The following SRGAP2 variants were observed in gnomAD, a reference collection of about 807,000 sequenced individuals.
SRGAP2 encodes SLIT-ROBO Rho GTPase activating protein 2.
SRGAP2 carries 15 observed loss-of-function variants against 57.2 expected under a neutral mutation model. The ratio of observed to expected loss-of-function variants is 0.26; its 90% CI spans 0.18 to 0.40. The LOEUF (loss-of-function observed/expected upper bound fraction) is 0.40, where lower values mean the gene tolerates loss of function less well. Among genes scored for constraint, SRGAP2 ranks in the 10% least tolerant of loss-of-function variants. The pLI is 1.00. For missense variants in SRGAP2, 520 were observed against 669.6 expected, an observed-to-expected ratio of 0.78 and a Z score of 2.47; for synonymous variants, 249 against 248.0, an observed-to-expected ratio of 1.00 and a Z score of -0.04.
intron 19 of SRGAP2, 50 bp downstream of exon 19, chr1:206,450,515 A>G: frequency 2.6e-6 from 2 of 774,278 alleles, no homozygotes; most frequent in Non-Finnish European, 2.4e-6. Flanking sequence ...GTGAGGCAGA[A>G]GGAAGTGATT....
At chr1:206,296,107 C>T (rs1270752227) in intron 2 of SRGAP2, among the ~76,000 whole-genome samples, 2 of 148,386 alleles carry the variant, frequency 1.3e-5, no homozygotes, top group African/African-American at 5.0e-5. Context: ...ATAGGGCTGG[C>T]TTCTCATCGT....
At chr1:206,381,061 GC>G (rs1287843279) in intron 4 of SRGAP2, among the ~76,000 whole-genome samples, 18 of 152,330 alleles carry the variant, frequency 1.2e-4, no homozygotes, top group African/African-American at 4.3e-4. Flanking sequence ...CCAACCCTCA[GC>G]CAGAGGGAGC....
intron 16 of SRGAP2, 91 bp downstream of exon 16, chr1:206,438,189 A>T: frequency 1.5e-6 from 1 of 669,666 alleles, no homozygotes; most frequent in Non-Finnish European, 2.8e-6. Flanking sequence ...GTGTTCTCAT[A>T]AGCTTTTCAA....
At chr1:206,388,738 T>G (rs1446859210) in intron 5 of SRGAP2, among the ~76,000 whole-genome samples, 1 of 146,250 alleles carries the variant, frequency 6.8e-6, no homozygotes, top group Non-Finnish European at 1.5e-5. Context: ...GTCTTGGTCT[T>G]TCATATTAGA....
intron 4 of SRGAP2, among the ~76,000 whole-genome samples, chr1:206,376,146 A>T (rs567573327): frequency 1.0e-3 from 154 of 151,256 alleles, no homozygotes; most frequent in African/African-American, 3.5e-3. Context: ...AGGTAATTGT[A>T]TCCTCCTTAT....
intron 2 of SRGAP2, among the ~76,000 whole-genome samples, chr1:206,213,522 G>A (rs550106818): frequency 0.054 from 8,144 of 150,790 alleles, 593 homozygotes; most frequent in African/African-American, 0.17. Context: ...TGTCTCAGCC[G>A]TTACTCTGCT....
intron 7 of SRGAP2, among the ~76,000 whole-genome samples, chr1:206,399,136 T>C (rs1230535902): frequency 2.6e-5 from 4 of 152,202 alleles, no homozygotes; most frequent in Non-Finnish European, 5.9e-5. Context: ...TACTCTACCC[T>C]AAACAGAGAG....
At chr1:206,287,609 C>T (rs1300543041) in intron 2 of SRGAP2, among the ~76,000 whole-genome samples, 11 of 45,630 alleles carry the variant, frequency 2.4e-4, no homozygotes. Flanking sequence ...TCATTACCAC[C>T]CACCACAAGA....
chr1:206,452,973 G>C (rs927256371), intron 19 of SRGAP2, among the ~76,000 whole-genome samples: 6 of 151,902 alleles, frequency 3.9e-5, no homozygotes, highest in Non-Finnish European at 8.8e-5. Context: ...AAGATTCCTG[G>C]TGGAGGGAAC....
At chr1:206,221,946 CTTTTTTTTTT>C (rs782815485) in intron 2 of SRGAP2, among the ~76,000 whole-genome samples, 3 of 35,270 alleles carry the variant, frequency 8.5e-5, no homozygotes, top group African/African-American at 1.9e-4. Flanking sequence ...GATATCCGGC[CTTTTTTTTTT>C]TTTTTTTTTT....
intron 10 of SRGAP2, among the ~76,000 whole-genome samples, chr1:206,411,813 C>T (rs1327600725): frequency 1.3e-5 from 2 of 152,022 alleles, no homozygotes; most frequent in Non-Finnish European, 2.9e-5. Context: ...TTTTTAAGGC[C>T]CAAAACCTTC....
intron 4 of SRGAP2, among the ~76,000 whole-genome samples, chr1:206,344,366 T>C (rs1675460247): frequency 6.6e-6 from 1 of 151,636 alleles, no homozygotes; most frequent in Admixed American, 6.6e-5. Context: ...ACACCTCATT[T>C]TGGAGTGAGG....
intron 14 of SRGAP2, among the ~76,000 whole-genome samples, chr1:206,434,606 CA>C (rs1661566775): frequency 6.6e-6 from 1 of 152,134 alleles, no homozygotes; most frequent in African/African-American, 2.4e-5. Flanking sequence ...TTCTGGAAAC[CA>C]GCCACTTATT....
intron 4 of SRGAP2, among the ~76,000 whole-genome samples, chr1:206,357,492 A>G (rs1433486047): frequency 6.6e-6 from 1 of 151,448 alleles, no homozygotes; most frequent in Non-Finnish European, 1.5e-5. Context: ...ATCTTCTTTT[A>G]AATGTTGCCT....
Position 206,319,279 on chromosome 1 carries a change from C to T in SRGAP2, c.260+15806C>T, listed in dbSNP as rs1375016881. Among the ~76,000 whole-genome samples, 54 of 147,360 alleles carry T rather than the reference C, an allele frequency of 3.7e-4. 2 individuals are homozygous for T. Among genetic ancestry groups the T allele is most frequent in the South Asian group, 2.1e-4 (1 of 4,806 alleles). On this transcript the variant is annotated intron_variant, in intron 3 of 22. Coordinates refer to ENST00000573034, the MANE Select transcript of SRGAP2 (RefSeq NM_015326.5). Reference sequence around the variant, plus strand: ...ACAAAAAATTATCCGGGTGTGGTGGCGGGTGCCTGTCGTCCCACCTACTCA... The same window carrying T: ...ACAAAAAATTATCCGGGTGTGGTGGTGGGTGCCTGTCGTCCCACCTACTCA...
At chr1:206,432,485 A>G (rs1553368642) in intron 14 of SRGAP2, among the ~76,000 whole-genome samples, 2 of 152,228 alleles carry the variant, frequency 1.3e-5, no homozygotes, top group Non-Finnish European at 2.9e-5. Flanking sequence ...GTTATTTGTG[A>G]CAGCATTGTT....
At chr1:206,453,536 C>A (rs542872144) in intron 20 of SRGAP2, 156 bp downstream of exon 20, 13 of 380,158 alleles carry the variant, frequency 3.4e-5, no homozygotes, top group South Asian at 1.2e-4. Context: ...GCACCCCCCC[C>A]ACCCCCCGCC....
At chr1:206,334,334 A>T (rs1257159037) in intron 3 of SRGAP2, among the ~76,000 whole-genome samples, 1 of 150,448 alleles carries the variant, frequency 6.6e-6, no homozygotes. Context: ...CCTTCTAATA[A>T]AGGCAAGATA....
chr1:206,240,484 C>T (rs2102547624), intron 2 of SRGAP2, among the ~76,000 whole-genome samples: 1 of 152,222 alleles, frequency 6.6e-6, no homozygotes, highest in Admixed American at 6.5e-5. Flanking sequence ...TGCTAGCGTC[C>T]TAGCCATGCA....
Sources: allele counts gnomAD v4.1 joint callset (sites outside exome capture counted in the v4.1 genomes callset), GRCh38; gene constraint gnomAD v4.1.1; transcripts MANE v1.5; gene names NCBI Gene and HGNC (gene_info 2026-07-23, HGNC 2026-07-21).